Variants in INPP5A observed in about 807,000 individuals in gnomAD.
The protein encoded by INPP5A is 43 kDa inositol polyphosphate 5-phophatase.
A neutral mutation model predicts 65.2 loss-of-function variants in INPP5A; 14 were observed. The observed-to-expected ratio is 0.21, with a 90% CI of 0.14 to 0.34. INPP5A has a LOEUF of 0.34. INPP5A is among the 10% of genes least tolerant of loss of function. The probability of loss-of-function intolerance (pLI) is 1.00; values close to 1 mark genes in which losing one functional copy is unlikely to be tolerated. For missense variants in INPP5A, 431 were observed against 545.6 expected (o/e 0.79, Z 2.09); for synonymous variants, 207 against 208.3 (o/e 0.99, Z 0.05).
chr10:132,557,632 T>G (rs949697306), intron 1 of INPP5A, among the ~76,000 whole-genome samples: 1 of 152,212 alleles, frequency 6.6e-6, no homozygotes, highest in African/African-American at 2.4e-5. Flanking sequence ...ACCTGGTGCC[T>G]ATGGAATTGA....
chr10:132,673,298 G>C (rs2072917865), intron 4 of INPP5A, among the ~76,000 whole-genome samples: 1 of 152,234 alleles, frequency 6.6e-6, no homozygotes, highest in Non-Finnish European at 1.5e-5. Context: ...AATGTTGCAG[G>C]AACAGGAAGC....
rs183889617 is a variant in INPP5A at position 132,596,546 on chromosome 10, G to A, written c.76-11369G>A. Among the ~76,000 whole-genome samples, 310 of 152,048 alleles carry A rather than the reference G, an allele frequency of 2.0e-3. 1 individual carries two copies. Among genetic ancestry groups the A allele is most frequent in the African/African-American group, 7.1e-3 (293 of 41,476 alleles). On this transcript the variant is annotated intron_variant, in intron 1 of 15. Coordinates refer to ENST00000368594, the MANE Select transcript of INPP5A (RefSeq NM_005539.5). ...AGGTTCAAGCGATTCCCCTGCCTCAGCCTCCTGAGTAGCTGGGATTACAGG... is the reference window on the plus strand; with the variant it reads ...AGGTTCAAGCGATTCCCCTGCCTCAACCTCCTGAGTAGCTGGGATTACAGG...
Position 132,697,977 on chromosome 10 carries a change from G to GT in INPP5A, c.474+59dup. On this transcript the variant is annotated intron_variant, in intron 6 of 15. Coordinates refer to ENST00000368594, the MANE Select transcript of INPP5A (RefSeq NM_005539.5). The surrounding 1 kb of genome is among the most constrained non-coding windows in gnomAD (Gnocchi z 5.6). The stretch of plus-strand genomic sequence containing the variant: ...ACTTCTCAGAGTGAGCCAGTCAGAA[G>GT]TGACATGGAACACGGAATTTTCGCA... The GT allele has an allele frequency of 8.6e-7, 1 of 1,162,630 alleles. No individual in the cohort carries two copies. The highest frequency in any genetic ancestry group is 1.3e-6 in the Non-Finnish European group (1 of 778,496). 72.0% of individuals were successfully genotyped at this position (1,162,630 alleles called of 1,614,324 possible).
intron 7 of INPP5A, chr10:132,708,606 C>T (rs561054777): frequency 7.4e-5 from 46 of 625,272 alleles, no homozygotes; most frequent in Non-Finnish European, 1.3e-4. Flanking sequence ...GACACAGTGA[C>T]GGCCCCAGTC....
chr10:132,726,378 G>A (rs1845984689), intron 8 of INPP5A, among the ~76,000 whole-genome samples: 2 of 152,106 alleles, frequency 1.3e-5, no homozygotes, highest in South Asian at 2.1e-4. Context: ...TCCCGCTGTC[G>A]GTCCCTCCTC....
chr10:132,688,655 AAGTG>A (rs1441759669), intron 4 of INPP5A, among the ~76,000 whole-genome samples: 158 of 148,056 alleles, frequency 1.1e-3, no homozygotes, highest in African/African-American at 3.7e-3. Flanking sequence ...GTGTGTGTGC[AAGTG>A]AGTGTGAACA....
intron 4 of INPP5A, among the ~76,000 whole-genome samples, chr10:132,670,076 C>A (rs1212963353): frequency 6.7e-6 from 1 of 148,924 alleles, no homozygotes. Context: ...CCCCCATGTC[C>A]TCAGCTTCCA....
intron 4 of INPP5A, among the ~76,000 whole-genome samples, chr10:132,665,842 C>T (rs1012991893): frequency 6.6e-6 from 1 of 151,836 alleles, no homozygotes; most frequent in African/African-American, 2.4e-5. Context: ...ATTGCTTGAG[C>T]TTAGGAGTTC....
rs1007421508 is a variant in INPP5A, at chr10:132,783,178, C to T, written c.*1149C>T. 3 of 152,406 alleles carry T rather than the reference C, an allele frequency of 2.0e-5. No homozygotes were observed. The highest frequency in any genetic ancestry group is 4.8e-5 in the African/African-American group (2 of 41,444). The allele number at this position is 152,406 out of a possible 1,614,324, so 9.4% of individuals were successfully genotyped here. Reference sequence around the variant, plus strand: ...CAGCATTAGAAGGTGATTAGAGAGTCTGTTGATGAAACACAAATGTATGTT... The same window carrying T: ...CAGCATTAGAAGGTGATTAGAGAGTTTGTTGATGAAACACAAATGTATGTT... On this transcript the variant is annotated 3_prime_UTR_variant, in exon 16 of 16. Coordinates refer to ENST00000368594, the MANE Select transcript of INPP5A (RefSeq NM_005539.5).
intron 4 of INPP5A, among the ~76,000 whole-genome samples, chr10:132,656,454 G>A (rs1206350821): frequency 2.0e-5 from 3 of 152,240 alleles, no homozygotes; most frequent in Admixed American, 2.0e-4. Flanking sequence ...CCCGCCAGCT[G>A]TGCCTGCTCA....
rs139063138 is a variant in INPP5A at position 132,615,019 on chromosome 10, C to T, written c.117+7063C>T. Among the ~76,000 whole-genome samples, 1,081 of 152,358 alleles carry T rather than the reference C, an allele frequency of 7.1e-3. 7 individuals carry two copies. The highest frequency in any genetic ancestry group is 9.6e-3 in the Non-Finnish European group (651 of 68,038). ...AGCCTGAGTGAAGAGAACGCCTTCC[C>T]GTGACGCGTCCAGCGTTGGGTCAGT... On this transcript the variant is annotated intron_variant, in intron 2 of 15. Transcript: ENST00000368594.
In INPP5A at chr10:132,575,455, T is replaced by C. The variant is rs960957494; in HGVS notation, c.76-32460T>C. Among the ~76,000 whole-genome samples the C allele has an allele frequency of 7.9e-5, 12 of 152,270 alleles. No individual in the cohort carries two copies. Among genetic ancestry groups the C allele is most frequent in the Admixed American group, 7.8e-4 (12 of 15,296 alleles). Reference sequence around the variant, plus strand: ...CACCACAGGGGCCTGCACGTCACTGTCAGTCTGGTTAAACATCATAAAATT... The same window carrying C: ...CACCACAGGGGCCTGCACGTCACTGCCAGTCTGGTTAAACATCATAAAATT... On this transcript the variant is annotated intron_variant, in intron 1 of 15. Coordinates refer to ENST00000368594, the MANE Select transcript of INPP5A (RefSeq NM_005539.5). The surrounding 1 kb of genome is among the most constrained non-coding windows in gnomAD (Gnocchi z 5.4).
intron 1 of INPP5A, among the ~76,000 whole-genome samples, chr10:132,566,868 T>G (rs913126906): frequency 6.6e-6 from 1 of 152,224 alleles, no homozygotes; most frequent in Non-Finnish European, 1.5e-5. Context: ...ATGTAAATAT[T>G]GAATACTAGA....
At chr10:132,717,469 C>G (rs1241703530) in intron 8 of INPP5A, among the ~76,000 whole-genome samples, 1 of 151,586 alleles carries the variant, frequency 6.6e-6, no homozygotes. Context: ...GAGGCTGACC[C>G]TGCTGCTTCA....
At chr10:132,732,415 C>G (rs1191861213) in intron 9 of INPP5A, among the ~76,000 whole-genome samples, 2 of 152,182 alleles carry the variant, frequency 1.3e-5, no homozygotes, top group Non-Finnish European at 2.9e-5. Context: ...TAAAGCGAGC[C>G]TAGTGGAAAA....
chr10:132,689,497 C>T (rs966805266), intron 4 of INPP5A, among the ~76,000 whole-genome samples: 7 of 152,224 alleles, frequency 4.6e-5, no homozygotes, highest in African/African-American at 1.7e-4. Flanking sequence ...GTGAGATTCG[C>T]CCTCTTTGGG....
At chr10:132,749,643 GC>G (rs1846436675) in intron 10 of INPP5A, 31 bp downstream of exon 10, 2 of 1,605,920 alleles carry the variant, frequency 1.2e-6, no homozygotes, top group Non-Finnish European at 1.7e-6. Context: ...GGCAGGTGAC[GC>G]ACGGGGCCTG....
chr10:132,689,644 CAT>C (rs562187424), intron 4 of INPP5A, among the ~76,000 whole-genome samples: 13 of 152,336 alleles, frequency 8.5e-5, no homozygotes, highest in African/African-American at 2.4e-4. Context: ...AAATAATACA[CAT>C]GTCAGTACGA....
At chr10:132,694,526 A>G (rs1190845439) in intron 5 of INPP5A, among the ~76,000 whole-genome samples, 2 of 152,152 alleles carry the variant, frequency 1.3e-5, no homozygotes, top group African/African-American at 4.8e-5. Flanking sequence ...CAAAGTAAGC[A>G]GAAGAAAAGA....
Sources: allele counts gnomAD v4.1 joint callset (sites outside exome capture counted in the v4.1 genomes callset), GRCh38; gene constraint gnomAD v4.1.1; non-coding constraint Gnocchi (gnomAD v3.1); transcripts MANE v1.5; gene names NCBI Gene and HGNC (gene_info 2026-07-23, HGNC 2026-07-21).